Variants in CRPPA observed in about 807,000 individuals in gnomAD.
CRPPA encodes D-ribitol-5-phosphate cytidylyltransferase.
A neutral mutation model predicts 52.0 loss-of-function variants in CRPPA; 43 were observed. That is an observed-to-expected ratio of 0.83 (90% CI 0.65 to 1.07). The LOEUF is 1.07. Among genes scored for constraint, CRPPA ranks in the 50% least tolerant of loss-of-function variants. The probability of loss-of-function intolerance (pLI) is 0.00; values close to 1 mark genes in which losing one functional copy is unlikely to be tolerated. For missense variants in CRPPA, 629 were observed against 551.7 expected (o/e 1.14, Z -1.40); for synonymous variants, 250 against 203.5 (o/e 1.23, Z -1.94).
chr7:16,364,579 T>C (rs917745871), intron 3 of CRPPA, among the ~76,000 whole-genome samples: 1 of 152,200 alleles, frequency 6.6e-6, no homozygotes, highest in African/African-American at 2.4e-5. Context: ...GGTTGCTCAG[T>C]GAAATTGGCA....
chr7:16,273,825 G>A (rs185736387), intron 6 of CRPPA, among the ~76,000 whole-genome samples: 1 of 152,228 alleles, frequency 6.6e-6, no homozygotes, highest in East Asian at 1.9e-4. Flanking sequence ...TGTAGCCATG[G>A]AGCTGCATGA....
rs918074226 is a variant in CRPPA, at chr7:16,359,382, T to C, written c.684+16710A>G. Among the ~76,000 whole-genome samples the C allele has an allele frequency of 5.3e-5, 8 of 152,344 alleles. No homozygotes were observed. The South Asian group carries it at 1.4e-3, about 28-fold the overall frequency. On this transcript the variant is annotated intron_variant, in intron 3 of 9. Coordinates refer to ENST00000407010, the MANE Select transcript of CRPPA (RefSeq NM_001101426.4). Reference sequence around the variant, plus strand: ...AGCGTGATCACAAGTACTGTCGTCATTGAATTGCTTGGTAGTCAACAGTTG... The same window carrying C: ...AGCGTGATCACAAGTACTGTCGTCACTGAATTGCTTGGTAGTCAACAGTTG...
intron 2 of CRPPA, among the ~76,000 whole-genome samples, chr7:16,387,848 G>T (rs925497860): frequency 2.0e-5 from 3 of 152,152 alleles, no homozygotes; most frequent in African/African-American, 7.2e-5. Flanking sequence ...CCTATTTGAA[G>T]TGCACATAGA....
intron 8 of CRPPA, among the ~76,000 whole-genome samples, chr7:16,250,071 A>C (rs2128409332): frequency 6.6e-6 from 1 of 152,322 alleles, no homozygotes; most frequent in South Asian, 2.1e-4. Context: ...CAGCACAAGA[A>C]CTTCGTGAAG....
chr7:16,094,791 C>T lies in CRPPA; in HGVS notation c.1252-2992G>A, dbSNP rs73291836. On this transcript the variant is annotated intron_variant, in intron 9 of 9. Transcript: ENST00000407010. Reference sequence around the variant, plus strand: ...TCCAGGCTAATCATGAGGAAGACATCGGAAAAGTTCCTGTTGGAGGGACAT... The same window carrying T: ...TCCAGGCTAATCATGAGGAAGACATTGGAAAAGTTCCTGTTGGAGGGACAT... Among the ~76,000 whole-genome samples the T allele has an allele frequency of 3.1e-3, 474 of 152,156 alleles. 2 individuals are homozygous for T. Among genetic ancestry groups the T allele is most frequent in the African/African-American group, 0.011 (451 of 41,512 alleles).
chr7:16,380,611 A>T (rs552109208), intron 2 of CRPPA, among the ~76,000 whole-genome samples: 1 of 152,128 alleles, frequency 6.6e-6, no homozygotes, highest in East Asian at 1.9e-4. Context: ...CTGTGAATCC[A>T]TCTGGTCCTG....
chr7:16,399,075 C>T (rs1057326198), intron 2 of CRPPA, among the ~76,000 whole-genome samples: 3 of 152,238 alleles, frequency 2.0e-5, no homozygotes, highest in African/African-American at 7.2e-5. Context: ...GCATGACCAA[C>T]ACGTGACTGA....
At chr7:16,216,491 G>A (rs576174405) in intron 8 of CRPPA, 27 of 263,726 alleles carry the variant, frequency 1.0e-4, no homozygotes, top group East Asian at 7.9e-4. Context: ...CGTGAGCGAC[G>A]CAGAAGACGG....
intron 2 of CRPPA, among the ~76,000 whole-genome samples, chr7:16,387,086 T>TACAC (rs373538470): frequency 1.8e-5 from 1 of 55,810 alleles, no homozygotes; most frequent in Non-Finnish European, 3.3e-5. Flanking sequence ...TATATATATA[T>TACAC]ACACACATAT....
rs112041873 is a variant in CRPPA, at chr7:16,385,431, C to A, written c.535-9190G>T. 6.8e-3 allele frequency among the ~76,000 whole-genome samples: 1,041 copies of A among 152,220 alleles called. 12 individuals carry two copies. Among genetic ancestry groups the A allele is most frequent in the African/African-American group, 0.024 (1,008 of 41,526 alleles). On this transcript the variant is annotated intron_variant, in intron 2 of 9. Transcript: ENST00000407010. ...TCAAGAAAAATGATTAGCAAGAGAA[C>A]ATCAATATTAACAAGTGACTTATCA...
At chr7:16,297,657 T>A (rs1240168614) in intron 5 of CRPPA, among the ~76,000 whole-genome samples, 3 of 152,200 alleles carry the variant, frequency 2.0e-5, no homozygotes, top group African/African-American at 7.2e-5. Flanking sequence ...AATAAACAAT[T>A]GTTTTTATAT....
intron 9 of CRPPA, among the ~76,000 whole-genome samples, chr7:16,168,578 C>T (rs1011410513): frequency 1.5e-4 from 20 of 131,324 alleles, no homozygotes; most frequent in Admixed American, 7.0e-4. Context: ...CACACACACA[C>T]CATTAACATA....
intron 2 of CRPPA, among the ~76,000 whole-genome samples, chr7:16,381,279 G>T (rs1787080410): frequency 6.6e-6 from 1 of 152,120 alleles, no homozygotes; most frequent in Non-Finnish European, 1.5e-5. Context: ...AGGTTGTTCA[G>T]TTTCCATGTA....
At chr7:16,379,829 A>G (rs1787024913) in intron 2 of CRPPA, among the ~76,000 whole-genome samples, 2 of 152,200 alleles carry the variant, frequency 1.3e-5, no homozygotes, top group African/African-American at 4.8e-5. Context: ...TGATTTTTGT[A>G]CATTGATTTT....
intron 6 of CRPPA, among the ~76,000 whole-genome samples, chr7:16,274,934 A>C (rs1480413967): frequency 1.3e-5 from 2 of 152,108 alleles, no homozygotes; most frequent in Non-Finnish European, 2.9e-5. Flanking sequence ...AAAGCCAAAA[A>C]CCTATAGACA....
chr7:16,349,327 C>T (rs1786090582), intron 3 of CRPPA, among the ~76,000 whole-genome samples: 1 of 152,084 alleles, frequency 6.6e-6, no homozygotes, highest in Admixed American at 6.6e-5. Flanking sequence ...AATCCTCTCA[C>T]TATATGAAAT....
intron 3 of CRPPA, among the ~76,000 whole-genome samples, chr7:16,365,402 T>G (rs1181857384): frequency 6.6e-6 from 1 of 152,196 alleles, no homozygotes; most frequent in East Asian, 1.9e-4. Context: ...TCATCTTACA[T>G]CAGTACTTAA....
intron 3 of CRPPA, among the ~76,000 whole-genome samples, chr7:16,310,018 C>A (rs563486309): frequency 2.0e-5 from 3 of 151,952 alleles, no homozygotes; most frequent in African/African-American, 7.2e-5. Flanking sequence ...AATCCAAAGG[C>A]CAACAGAAAA....
intron 8 of CRPPA, among the ~76,000 whole-genome samples, chr7:16,226,871 C>T (rs1439594927): frequency 6.6e-6 from 1 of 151,828 alleles, no homozygotes; most frequent in Non-Finnish European, 1.5e-5. Flanking sequence ...TCAGACTGTA[C>T]AATCAATCTT....
Sources: allele counts gnomAD v4.1 joint callset (sites outside exome capture counted in the v4.1 genomes callset), GRCh38; gene constraint gnomAD v4.1.1; transcripts MANE v1.5; gene names NCBI Gene and HGNC (gene_info 2026-07-23, HGNC 2026-07-21).